The following AKAP13 variants were observed in gnomAD, a reference collection of about 807,000 sequenced individuals.
AKAP13 encodes the protein A-kinase anchor protein 13.
Under a neutral mutation model 264.5 loss-of-function variants are expected in AKAP13, and 80 were observed. The observed-to-expected ratio is 0.30, with a 90% CI of 0.25 to 0.36. The LOEUF is 0.36. Among genes scored for constraint, AKAP13 ranks in the 10% least tolerant of loss-of-function variants. The pLI, the probability that AKAP13 is intolerant of heterozygous loss-of-function variation, is 1.00. For missense variants in AKAP13, 3,712 were observed against 3,435.2 expected (o/e 1.08, Z -2.01); for synonymous variants, 1,380 against 1,250.2 (o/e 1.10, Z -2.19).
chr15:85,692,968 G>C (rs2151638705), intron 16 of AKAP13: 2 of 269,862 alleles, frequency 7.4e-6, no homozygotes, highest in South Asian at 9.4e-5. Flanking sequence ...GGGCTGTACT[G>C]AGGTGTCAGA....
intron 5 of AKAP13, among the ~76,000 whole-genome samples, chr15:85,565,242 TAAA>T (rs71468117): frequency 2.0e-5 from 3 of 149,180 alleles, no homozygotes; most frequent in Non-Finnish European, 4.5e-5. Flanking sequence ...TCATTGGAAT[TAAA>T]AAAAAAAATC....
chr15:85,681,339 G>A (rs12909648), intron 14 of AKAP13, among the ~76,000 whole-genome samples: 60,081 of 152,010 alleles, frequency 0.4, 12,804 homozygotes, highest in Middle Eastern at 0.55. Flanking sequence ...ATTTATCACT[G>A]TGACTGAGGT....
At chr15:85,435,484 C>T (rs1181840618) in intron 1 of AKAP13, among the ~76,000 whole-genome samples, 19 of 82,322 alleles carry the variant, frequency 2.3e-4, no homozygotes, top group South Asian at 4.9e-4. Flanking sequence ...AGATACTCCT[C>T]GAGAAGAGCA....
intron 1 of AKAP13, among the ~76,000 whole-genome samples, chr15:85,447,294 T>C (rs1288957091): frequency 6.6e-6 from 1 of 152,034 alleles, no homozygotes; most frequent in Admixed American, 6.6e-5. Context: ...AATCTGTTAT[T>C]ATTATTATTT....
intron 5 of AKAP13, among the ~76,000 whole-genome samples, chr15:85,546,699 AAAGTT>A (rs2077757724): frequency 6.6e-6 from 1 of 152,116 alleles, no homozygotes. Flanking sequence ...GGGTTTGTAG[AAAGTT>A]AAGAATCGCC....
intron 12 of AKAP13, among the ~76,000 whole-genome samples, chr15:85,659,489 C>G (rs1259547265): frequency 7.0e-6 from 1 of 143,780 alleles, no homozygotes. Flanking sequence ...AGCTGAAATT[C>G]AGATATTCTC....
intron 16 of AKAP13, among the ~76,000 whole-genome samples, chr15:85,687,010 ATC>A (rs2084972595): frequency 6.6e-6 from 1 of 152,166 alleles, no homozygotes; most frequent in Admixed American, 6.6e-5. Flanking sequence ...CTTTCTAGCC[ATC>A]TCCCCAATGT....
Position 85,674,158 on chromosome 15 carries a change from T to C in AKAP13, c.5101+4328T>C, listed in dbSNP as rs552704897. Reference sequence around the variant, plus strand: ...TAGACGTTTTAACTTCATATGCTTCTTAATGAGATTTCATTTTCCCCTTCA... The same window carrying C: ...TAGACGTTTTAACTTCATATGCTTCCTAATGAGATTTCATTTTCCCCTTCA... On this transcript the variant is annotated intron_variant, in intron 14 of 36. Transcript: ENST00000394518. Among the ~76,000 whole-genome samples, 7 of 152,334 alleles carry C rather than the reference T, an allele frequency of 4.6e-5. No individual in the cohort carries two copies. In the East Asian group the frequency reaches 1.2e-3, roughly 25 times the overall value.
chr15:85,563,310 A>G (rs973473850), intron 5 of AKAP13, among the ~76,000 whole-genome samples: 21 of 129,774 alleles, frequency 1.6e-4, no homozygotes, highest in Non-Finnish European at 1.3e-4. Context: ...ATTGTCCTTC[A>G]TTTGAGTAGA....
Position 85,697,398 on chromosome 15 carries a change from G to A in AKAP13, c.5464+3947G>A, listed in dbSNP as rs141672105. Among the ~76,000 whole-genome samples the A allele has an allele frequency of 4.7e-3, 721 of 152,154 alleles. 3 individuals carry two copies. Among genetic ancestry groups the A allele is most frequent in the African/African-American group, 0.016 (667 of 41,532 alleles). On this transcript the variant is annotated intron_variant, in intron 17 of 36. Coordinates refer to ENST00000394518, the MANE Select transcript of AKAP13 (RefSeq NM_007200.5). ...AGCCTGACCAACATGGTGAAACCCCGTCTCTACTAAAAATACAAAAATTAG... is the reference window on the plus strand; with the variant it reads ...AGCCTGACCAACATGGTGAAACCCCATCTCTACTAAAAATACAAAAATTAG...
chr15:85,472,334 C>T (rs975023980), intron 1 of AKAP13, among the ~76,000 whole-genome samples: 9 of 149,270 alleles, frequency 6.0e-5, no homozygotes, highest in African/African-American at 2.2e-4. Flanking sequence ...TAGTAAGACC[C>T]ATCTCTTAAA....
chr15:85,532,729 G>A, intron 3 of AKAP13, among the ~76,000 whole-genome samples: 1 of 152,316 alleles, frequency 6.6e-6, no homozygotes, highest in African/African-American at 2.4e-5. Flanking sequence ...GTCCAAGAAG[G>A]TCTTACCCAT....
intron 8 of AKAP13, among the ~76,000 whole-genome samples, chr15:85,635,853 G>T (rs2082048496): frequency 6.6e-6 from 1 of 152,026 alleles, no homozygotes; most frequent in African/African-American, 2.4e-5. Context: ...AAATATCTTG[G>T]CATCTTTGTC....
At chr15:85,489,806 A>C (rs1469469834) in intron 2 of AKAP13, among the ~76,000 whole-genome samples, 1 of 152,214 alleles carries the variant, frequency 6.6e-6, no homozygotes, top group Non-Finnish European at 1.5e-5. Flanking sequence ...GAAGGTTCCA[A>C]AGTGTACAGG....
chr15:85,735,255 A>C lies in AKAP13; in HGVS notation c.7441+105A>C, dbSNP rs1021352221. The C allele has an allele frequency of 1.0e-5, 15 of 1,431,294 alleles. No individual in the cohort carries two copies. In the South Asian group the frequency reaches 1.8e-4, roughly 17 times the overall value. The allele number at this position is 1,431,294 out of a possible 1,614,324, so 88.7% of individuals were successfully genotyped here. A position where few individuals can be genotyped will look rare whatever the true frequency, so the allele number is the denominator to read the frequency against. ...GCTACATCACCGCTCCCAATCAGCAAATTTCTTAGTGAGATTTCAAGACAC... is the reference window on the plus strand; with the variant it reads ...GCTACATCACCGCTCCCAATCAGCACATTTCTTAGTGAGATTTCAAGACAC... On this transcript the variant is annotated intron_variant, in intron 31 of 36. Transcript: ENST00000394518.
At chr15:85,430,925 G>T (rs1406691013) in intron 1 of AKAP13, among the ~76,000 whole-genome samples, 2 of 152,298 alleles carry the variant, frequency 1.3e-5, no homozygotes, top group South Asian at 2.1e-4. Flanking sequence ...CATGCTTTTA[G>T]AACCTGTGTT....
At chr15:85,700,112 A>G (rs550130677) in intron 17 of AKAP13, among the ~76,000 whole-genome samples, 6 of 152,312 alleles carry the variant, frequency 3.9e-5, no homozygotes, top group Non-Finnish European at 7.4e-5. Context: ...GTGTATATAC[A>G]TTATTTCTAG....
intron 5 of AKAP13, among the ~76,000 whole-genome samples, chr15:85,558,626 G>A (rs896057970): frequency 2.6e-5 from 4 of 152,182 alleles, no homozygotes; most frequent in African/African-American, 9.7e-5. Flanking sequence ...GTTTCTGTAA[G>A]TATGGAACAC....
intron 16 of AKAP13, chr15:85,689,835 T>C (rs2085175296): frequency 6.6e-6 from 1 of 152,266 alleles, no homozygotes; most frequent in Non-Finnish European, 1.5e-5. Context: ...TTGTTGGCTT[T>C]AGCAGCAGCA....
Sources: allele counts gnomAD v4.1 joint callset (sites outside exome capture counted in the v4.1 genomes callset), GRCh38; gene constraint gnomAD v4.1.1; transcripts MANE v1.5; gene names NCBI Gene and HGNC (gene_info 2026-07-23, HGNC 2026-07-21).